The following MLIP variants were observed in gnomAD, a reference collection of about 807,000 sequenced individuals.
The protein encoded by MLIP is muscular LMNA-interacting protein.
Under a neutral mutation model 84.8 loss-of-function variants are expected in MLIP, and 79 were observed. The observed-to-expected ratio is 0.93, with a 90% confidence interval of 0.78 to 1.12. MLIP has a LOEUF of 1.12. Among genes scored for constraint, MLIP ranks in the 50% most tolerant of loss-of-function variants. The probability of loss-of-function intolerance (pLI) is 0.00; values close to 1 mark genes in which losing one functional copy is unlikely to be tolerated. For missense variants in MLIP, 1,257 were observed against 1,160.6 expected (o/e 1.08, Z -1.21); for synonymous variants, 504 against 463.0 (o/e 1.09, Z -1.14).
chr6:54,190,896 C>T (rs972173395), intron 10 of MLIP, among the ~76,000 whole-genome samples: 1 of 151,136 alleles, frequency 6.6e-6, no homozygotes, highest in African/African-American at 2.4e-5. Context: ...CCCGGGTTCA[C>T]GCCATTCTCC....
At chr6:54,047,122 C>T (rs528131930) in intron 1 of MLIP, 2 of 152,166 alleles carry the variant, frequency 1.3e-5, no homozygotes, top group Admixed American at 6.5e-5. Flanking sequence ...GTCAAAGTTA[C>T]GTGGTAGATG....
At chr6:54,252,989 G>T (rs1459000182) in intron 12 of MLIP, among the ~76,000 whole-genome samples, 2 of 151,902 alleles carry the variant, frequency 1.3e-5, no homozygotes, top group Non-Finnish European at 2.9e-5. Context: ...TTTACAAGTC[G>T]GAAAACTGTT....
chr6:54,095,753 C>T (rs566819440), intron 1 of MLIP, among the ~76,000 whole-genome samples: 48 of 152,284 alleles, frequency 3.2e-4, no homozygotes, highest in African/African-American at 1.0e-3. Flanking sequence ...AAAACAACAG[C>T]GGAAGCTTAG....
rs1476988938 is a variant in MLIP at position 54,137,289 on chromosome 6, A to G, written c.1220A>G (p.Lys407Arg). 7.2e-6 allele frequency: 11 copies of G among 1,535,926 alleles called. No individual in the cohort carries two copies. Among genetic ancestry groups the G allele is most frequent in the Non-Finnish European group, 9.6e-6 (11 of 1,146,884 alleles). ...SSGNLSKSGVKSPVPSRLALL... is the reference protein window; with the variant it reads ...SSGNLSKSGVRSPVPSRLALL... ...GGAAATCTTTCAAAGTCAGGGGTAA[A>G]ATCCCCGGTGCCTTCCCGGCTTGCC... is the stretch of plus-strand genomic sequence containing the variant. The change falls in exon 4 of 14, where the codon AAA becomes AGA. Residue 407 changes from lysine to arginine, a missense_variant. Physicochemically the swap from Lys to Arg is conservative, Grantham distance 26. Coordinates refer to ENST00000502396, the MANE Select transcript of MLIP (RefSeq NM_001281747.2).
chr6:54,066,829 A>G (rs1766245254), intron 1 of MLIP, among the ~76,000 whole-genome samples: 1 of 76,054 alleles, frequency 1.3e-5, no homozygotes, highest in South Asian at 4.2e-4. Flanking sequence ...TAAAGAAGAT[A>G]ACACATGACC....
At chr6:54,250,392 A>G (rs1172958805) in intron 12 of MLIP, among the ~76,000 whole-genome samples, 1 of 152,072 alleles carries the variant, frequency 6.6e-6, no homozygotes, top group East Asian at 1.9e-4. Flanking sequence ...TCATTCTATT[A>G]TAAAGACACA....
chr6:54,059,951 C>T (rs1282384493), intron 1 of MLIP, among the ~76,000 whole-genome samples: 1 of 152,240 alleles, frequency 6.6e-6, no homozygotes, highest in Non-Finnish European at 1.5e-5. Flanking sequence ...AAAATGAGAT[C>T]CTTTTCATTC....
intron 13 of MLIP, among the ~76,000 whole-genome samples, chr6:54,260,329 T>C (rs1340014510): frequency 6.6e-6 from 1 of 151,994 alleles, no homozygotes; most frequent in African/African-American, 2.4e-5. Flanking sequence ...CAACCCTGGC[T>C]GAACATTAGA....
At chr6:54,113,491 A>T (rs779127683) in intron 1 of MLIP, among the ~76,000 whole-genome samples, 2 of 152,176 alleles carry the variant, frequency 1.3e-5, no homozygotes, top group Non-Finnish European at 2.9e-5. Context: ...TAAAGCACTG[A>T]TTTATTACTT....
intron 3 of MLIP, among the ~76,000 whole-genome samples, chr6:54,131,774 C>CTA (rs1771403610): frequency 1.3e-5 from 2 of 152,286 alleles, no homozygotes; most frequent in Admixed American, 1.3e-4. Context: ...CTTAACAAAC[C>CTA]ATGCCAGCAT....
rs1773116471 is a variant in MLIP, at chr6:54,148,675, G to C, written c.2218-381G>C. 2.0e-5 allele frequency among the ~76,000 whole-genome samples: 3 copies of C among 152,220 alleles called. No homozygotes were observed. In the South Asian group the frequency reaches 6.2e-4, roughly 32 times the overall value. ...AATATTTGTTAATTGTGACACTGTA[G>C]AAAAGAAACATTCCTTTGAGGATCA... is the stretch of plus-strand genomic sequence containing the variant. On this transcript the variant is annotated intron_variant, in intron 4 of 13. Coordinates refer to ENST00000502396, the MANE Select transcript of MLIP (RefSeq NM_001281747.2).
intron 11 of MLIP, among the ~76,000 whole-genome samples, chr6:54,220,138 G>A (rs1010211102): frequency 6.6e-6 from 1 of 151,948 alleles, no homozygotes; most frequent in African/African-American, 2.4e-5. Context: ...ATAAGAAGTA[G>A]GTTATTTTTT....
At chr6:54,107,813 T>C (rs559794782), upstream of MLIP, among the ~76,000 whole-genome samples, 1 of 152,328 alleles carries the variant, frequency 6.6e-6, no homozygotes, top group East Asian at 1.9e-4. Flanking sequence ...ACTCAATAGA[T>C]GTTTATTAAG....
intron 1 of MLIP, among the ~76,000 whole-genome samples, chr6:54,083,937 C>A (rs1239612153): frequency 1.3e-5 from 2 of 151,986 alleles, no homozygotes; most frequent in Non-Finnish European, 2.9e-5. Flanking sequence ...TAAGCTGCTA[C>A]TTTTTAGGAC....
intron 1 of MLIP, among the ~76,000 whole-genome samples, chr6:54,050,067 G>GA (rs1256418982): frequency 7.2e-5 from 11 of 151,898 alleles, no homozygotes; most frequent in Admixed American, 3.3e-4. Context: ...TCTTGTTACA[G>GA]AAAAAAAGAA....
intron 11 of MLIP, among the ~76,000 whole-genome samples, chr6:54,223,317 A>C (rs148265879): frequency 0.042 from 280 of 6,616 alleles, no homozygotes; most frequent in Non-Finnish European, 0.062. Flanking sequence ...CAAACAAACA[A>C]AATACCCACA....
intron 9 of MLIP, among the ~76,000 whole-genome samples, chr6:54,184,757 T>C (rs1309480095): frequency 2.6e-5 from 4 of 152,184 alleles, no homozygotes; most frequent in African/African-American, 7.2e-5. Context: ...TTAAGTTTCT[T>C]TTTTTGAAGG....
chr6:54,098,002 C>G (rs1415216339), intron 1 of MLIP, among the ~76,000 whole-genome samples: 1 of 152,046 alleles, frequency 6.6e-6, no homozygotes, highest in Non-Finnish European at 1.5e-5. Context: ...GAGCACAGAC[C>G]TGGAAATGCA....
chr6:54,019,004 T>A, exon 1 of MLIP: 3 of 1,585,236 alleles, frequency 1.9e-6, no homozygotes, highest in Non-Finnish European at 2.6e-6. Flanking sequence ...TCTCAGTCTT[T>A]CTCTCTTTCT....
Sources: gnomAD v4.1 joint callset for allele counts (sites outside exome capture counted in the v4.1 genomes callset) on GRCh38, gnomAD v4.1.1 for gene constraint, MANE v1.5 for transcripts, NCBI Gene and HGNC (gene_info 2026-07-23, HGNC 2026-07-21) for gene names.